Variants in KAT2B observed in about 807,000 individuals in gnomAD.
KAT2B encodes the protein lysine acetyltransferase 2B, also known as histone acetyltransferase KAT2B.
Under a neutral mutation model 105.9 loss-of-function variants are expected in KAT2B, and 36 were observed. The observed-to-expected ratio is 0.34, with a 90% confidence interval of 0.26 to 0.45. The LOEUF (loss-of-function observed/expected upper bound fraction) is 0.45, where lower values mean the gene tolerates loss of function less well. KAT2B is among the 20% of genes least tolerant of loss of function. The probability of loss-of-function intolerance (pLI) is 1.00; values close to 1 mark genes in which losing one functional copy is unlikely to be tolerated. For missense variants in KAT2B, 820 were observed against 1,021.6 expected, an observed-to-expected ratio of 0.80 and a Z score of 2.69; for synonymous variants, 397 against 377.9, an observed-to-expected ratio of 1.05 and a Z score of -0.59.
At chr3:20,122,604 G>T in intron 8 of KAT2B, 64 bp from the exon 9 acceptor site, 2 of 1,294,876 alleles carry the variant, frequency 1.5e-6, no homozygotes, top group Non-Finnish European at 2.2e-6. Flanking sequence ...AAATTAGTTG[G>T]CGTGTATTAT....
At chr3:20,052,309 T>C (rs1342014792) in intron 1 of KAT2B, among the ~76,000 whole-genome samples, 1 of 152,240 alleles carries the variant, frequency 6.6e-6, no homozygotes, top group Non-Finnish European at 1.5e-5. Flanking sequence ...CCTATCTGTT[T>C]TCCTTATGAC....
intron 2 of KAT2B, among the ~76,000 whole-genome samples, chr3:20,082,927 T>C (rs909145943): frequency 1.3e-5 from 2 of 152,084 alleles, no homozygotes; most frequent in African/African-American, 2.4e-5. Context: ...GGAGATCAAA[T>C]ACAAACAGCC....
chr3:20,127,251 C>A (rs1336577529), intron 10 of KAT2B, among the ~76,000 whole-genome samples, 172 bp from the exon 11 acceptor site: 1 of 152,072 alleles, frequency 6.6e-6, no homozygotes, highest in African/African-American at 2.4e-5. Context: ...CGACCTAGCT[C>A]TAAAAAGTTC....
At chr3:20,075,924 AT>A (rs1310710380) in intron 2 of KAT2B, among the ~76,000 whole-genome samples, 37 of 150,520 alleles carry the variant, frequency 2.5e-4, no homozygotes, top group African/African-American at 7.8e-4. Flanking sequence ...AAAAAAAAAA[AT>A]TTTTTTCATA....
intron 7 of KAT2B, 106 bp downstream of exon 7, chr3:20,115,094 A>G: frequency 1.5e-6 from 1 of 687,276 alleles, no homozygotes; most frequent in Non-Finnish European, 2.6e-6. Context: ...AAATGAGCTT[A>G]GCTCTATAGT....
At chr3:20,066,856 T>G (rs1404944557) in intron 1 of KAT2B, among the ~76,000 whole-genome samples, 5 of 152,106 alleles carry the variant, frequency 3.3e-5, no homozygotes, top group Non-Finnish European at 7.3e-5. Flanking sequence ...TATAAAATAA[T>G]TCTTAATGTG....
chr3:20,050,916 G>A (rs1253586071), intron 1 of KAT2B, among the ~76,000 whole-genome samples: 2 of 152,012 alleles, frequency 1.3e-5, no homozygotes, highest in Admixed American at 1.3e-4. Flanking sequence ...AAATCAAGGA[G>A]GTGGCCGGGT....
intron 1 of KAT2B, among the ~76,000 whole-genome samples, chr3:20,070,593 C>T (rs930872757): frequency 4.0e-5 from 6 of 151,474 alleles, no homozygotes; most frequent in African/African-American, 9.7e-5. Flanking sequence ...CGTGACCCAC[C>T]GTGCCCGGCC....
intron 2 of KAT2B, among the ~76,000 whole-genome samples, chr3:20,079,707 C>T (rs76116962): frequency 0.12 from 18,373 of 152,090 alleles, 1,962 homozygotes; most frequent in South Asian, 0.32. Context: ...TATAATTGCC[C>T]CCTCAGTTCC....
intron 14 of KAT2B, 59 bp from the exon 15 acceptor site, chr3:20,147,904 A>T: frequency 6.6e-7 from 1 of 1,510,168 alleles, no homozygotes; most frequent in Non-Finnish European, 9.1e-7. Flanking sequence ...AGTATTAACT[A>T]TGTTATTCTC....
In KAT2B at chr3:20,040,694, G is replaced by C. The variant is rs1361414008; in HGVS notation, c.217G>C (p.Ala73Pro). 4 of 1,577,838 alleles carry C rather than the reference G, an allele frequency of 2.5e-6. No individual in the cohort carries two copies. Among genetic ancestry groups the C allele is most frequent in the Non-Finnish European group, 3.4e-6 (4 of 1,166,704 alleles). ...TAEGPGGGGS[A>P]RIAVKKAQLR... is the part of the protein sequence containing the mutation. ...CGAAGGACCGGGAGGCGGTGGCTCGGCCCGAATCGCCGTGAAGAAAGCGCA... is the reference window on the plus strand; with the variant it reads ...CGAAGGACCGGGAGGCGGTGGCTCGCCCCGAATCGCCGTGAAGAAAGCGCA... Residue 73 changes from alanine (A) to proline (P), a missense_variant, in exon 1 of 18, where the codon GCC becomes CCC. Physicochemically the swap from Ala to Pro is conservative, Grantham distance 27. This residue lies in a region of KAT2B where 190 missense variants were observed against 176.7 expected (regional missense o/e 1.08). Coordinates refer to ENST00000263754, the MANE Select transcript of KAT2B (RefSeq NM_003884.5).
intron 1 of KAT2B, among the ~76,000 whole-genome samples, chr3:20,047,079 C>G (rs376888447): frequency 1.3e-5 from 2 of 151,800 alleles, no homozygotes; most frequent in African/African-American, 2.4e-5. Context: ...TTTTGCCCCC[C>G]CCTTTTTTTT....
At chr3:20,106,224 T>C (rs1033445801) in intron 5 of KAT2B, among the ~76,000 whole-genome samples, 7 of 152,176 alleles carry the variant, frequency 4.6e-5, no homozygotes, top group Non-Finnish European at 7.4e-5. Context: ...AGTAAGAAAA[T>C]AGCATGCAAA....
At chr3:20,095,992 T>C (rs1470983980) in intron 3 of KAT2B, among the ~76,000 whole-genome samples, 1 of 152,002 alleles carries the variant, frequency 6.6e-6, no homozygotes, top group Non-Finnish European at 1.5e-5. Context: ...TGCAAAGTGC[T>C]AGGGGAAGAG....
chr3:20,140,405 G>A (rs771321091), intron 13 of KAT2B, 41 bp downstream of exon 13: 7 of 1,602,616 alleles, frequency 4.4e-6, no homozygotes, highest in Non-Finnish European at 6.0e-6. Flanking sequence ...GTACAGGCCA[G>A]TCTTAGCTGG....
intron 1 of KAT2B, among the ~76,000 whole-genome samples, chr3:20,068,803 G>C (rs558816751): frequency 5.3e-5 from 8 of 152,100 alleles, no homozygotes; most frequent in Non-Finnish European, 8.8e-5. Flanking sequence ...TTTCCTTCTA[G>C]GTTTGGCCTG....
intron 1 of KAT2B, among the ~76,000 whole-genome samples, chr3:20,062,063 A>C (rs1254698075): frequency 1.5e-4 from 15 of 98,104 alleles, no homozygotes; most frequent in Non-Finnish European, 2.2e-4. Flanking sequence ...AATATATATT[A>C]TATATAAAAC....
At chr3:20,141,848 T>G (rs908277217) in intron 13 of KAT2B, among the ~76,000 whole-genome samples, 1 of 150,138 alleles carries the variant, frequency 6.7e-6, no homozygotes, top group African/African-American at 2.5e-5. Flanking sequence ...GATGTCAGCC[T>G]AAGAGAGAAT....
rs890792950 is a variant in KAT2B, at chr3:20,040,845, C to T, written c.303+65C>T. The T allele has an allele frequency of 5.7e-5, 84 of 1,473,870 alleles. No individual in the cohort carries two copies. In the African/African-American group the frequency reaches 9.0e-4, roughly 16 times the overall value. 91.3% of individuals were successfully genotyped at this position (1,473,870 alleles called of 1,614,324 possible). A position where few individuals can be genotyped will look rare whatever the true frequency, so the allele number is the denominator to read the frequency against. ...GGGCCCAGCCCGCGGGACCCCCCTC[C>T]CCCTCCCGCTTCCACCTCCGCCTCC... On this transcript the variant is annotated intron_variant, in intron 1 of 17. Transcript: ENST00000263754.
Sources: gnomAD v4.1 joint callset for allele counts (sites outside exome capture counted in the v4.1 genomes callset) on GRCh38, gnomAD v4.1.1 for gene constraint, gnomAD v4.1.1 regional missense constraint, MANE v1.5 for transcripts, NCBI Gene and HGNC (gene_info 2026-07-23, HGNC 2026-07-21) for gene names.